Variants in COG5 observed in about 807,000 individuals in gnomAD.
The protein encoded by COG5 is conserved oligomeric Golgi complex subunit 5.
COG5 carries 86 observed loss-of-function variants against 110.4 expected under a neutral mutation model. The ratio of observed to expected loss-of-function variants is 0.78; its 90% confidence interval spans 0.65 to 0.93. The LOEUF (loss-of-function observed/expected upper bound fraction) is 0.93, where lower values mean the gene tolerates loss of function less well. Among genes scored for constraint, COG5 ranks in the 40% least tolerant of loss-of-function variants. The pLI, the probability that COG5 is intolerant of heterozygous loss-of-function variation, is 0.00. For synonymous variants in COG5, 360 were observed against 334.6 expected, an observed-to-expected ratio of 1.08 and a Z score of -0.83; for missense variants, 1,077 against 987.0, an observed-to-expected ratio of 1.09 and a Z score of -1.22.
chr7:107,369,149 T>G (rs1813889416), intron 8 of COG5, among the ~76,000 whole-genome samples: 1 of 152,174 alleles, frequency 6.6e-6, no homozygotes, highest in South Asian at 2.1e-4. Flanking sequence ...ATTTACACTG[T>G]TAGTACATAT....
intron 14 of COG5, among the ~76,000 whole-genome samples, chr7:107,264,547 C>G (rs1398866543): frequency 6.6e-6 from 1 of 151,826 alleles, no homozygotes; most frequent in Non-Finnish European, 1.5e-5. Flanking sequence ...CAAAAATTAG[C>G]CAGGTGTGGT....
chr7:107,275,626 G>C (rs937519126), intron 14 of COG5, among the ~76,000 whole-genome samples: 3 of 151,992 alleles, frequency 2.0e-5, no homozygotes, highest in African/African-American at 4.8e-5. Flanking sequence ...TGCAAGCTAA[G>C]CTCACTGCAA....
intron 11 of COG5, among the ~76,000 whole-genome samples, chr7:107,315,982 C>A (rs531012944): frequency 2.0e-5 from 3 of 152,132 alleles, no homozygotes; most frequent in Non-Finnish European, 4.4e-5. Context: ...AAGATAAGAA[C>A]TGAAAACATA....
chr7:107,536,432 C>T (rs997492728), intron 5 of COG5, among the ~76,000 whole-genome samples: 1 of 152,144 alleles, frequency 6.6e-6, no homozygotes, highest in African/African-American at 2.4e-5. Flanking sequence ...TCTCAGGATA[C>T]AAAATCAATG....
chr7:107,505,590 G>C (rs1390074277), intron 6 of COG5, among the ~76,000 whole-genome samples: 3 of 152,212 alleles, frequency 2.0e-5, no homozygotes, highest in Non-Finnish European at 4.4e-5. Flanking sequence ...AGGGGGAAAA[G>C]AAGTCATCTT....
intron 7 of COG5, among the ~76,000 whole-genome samples, chr7:107,405,006 A>G (rs1193017921): frequency 6.6e-6 from 1 of 152,118 alleles, no homozygotes; most frequent in African/African-American, 2.4e-5. Context: ...ATGCTATAAA[A>G]ATTCCCTTTT....
At position 107,386,004 on chromosome 7, in the gene COG5, G is replaced by A. The variant is rs1376536799; in HGVS notation, c.670-13244C>T. Among the ~76,000 whole-genome samples, 4 of 151,584 alleles carry A rather than the reference G, an allele frequency of 2.6e-5. No individual in the cohort carries two copies. In the East Asian group the frequency reaches 5.8e-4, roughly 22 times the overall value. ...AACCAGGTTTTGTGTGTGTGTGTGT[G>A]TGTGTGTGTGTGTGTGTGTGGTTGA... On this transcript the variant is annotated intron_variant, in intron 7 of 21. Transcript: ENST00000297135.
chr7:107,353,243 G>A (rs1001684832), intron 10 of COG5, among the ~76,000 whole-genome samples: 1 of 151,928 alleles, frequency 6.6e-6, no homozygotes, highest in African/African-American at 2.4e-5. Context: ...GGCTAACACG[G>A]TGAAACCCCA....
chr7:107,513,913 G>C (rs916051775), intron 6 of COG5, among the ~76,000 whole-genome samples: 5 of 152,092 alleles, frequency 3.3e-5, no homozygotes, highest in Middle Eastern at 3.4e-3. Context: ...TGGGGGAAGA[G>C]GGGAGGGAAA....
At chr7:107,405,250 T>C (rs903004063) in intron 7 of COG5, among the ~76,000 whole-genome samples, 2 of 152,138 alleles carry the variant, frequency 1.3e-5, no homozygotes, top group Non-Finnish European at 2.9e-5. Flanking sequence ...GTTACTGCAA[T>C]TGAGATAACA....
chr7:107,220,818 T>C (rs948652096), intron 19 of COG5, among the ~76,000 whole-genome samples: 4 of 146,662 alleles, frequency 2.7e-5, no homozygotes, highest in Non-Finnish European at 6.0e-5. Context: ...ATGCCTTCTT[T>C]TTTTTTTTTT....
At chr7:107,258,427 C>CTT (rs1554402249) in intron 14 of COG5, 44 bp from the exon 15 acceptor site, 8 of 332,150 alleles carry the variant, frequency 2.4e-5, no homozygotes, top group African/African-American at 1.6e-4. Context: ...AATGATAATT[C>CTT]TCTCTCTCTC....
chr7:107,416,758 T>C (rs1792877784), intron 6 of COG5, among the ~76,000 whole-genome samples: 1 of 152,136 alleles, frequency 6.6e-6, no homozygotes, highest in African/African-American at 2.4e-5. Context: ...TTAAAATGTA[T>C]AATGTCTGTA....
chr7:107,525,567 T>A (rs1213269122), intron 6 of COG5, among the ~76,000 whole-genome samples: 1 of 151,456 alleles, frequency 6.6e-6, no homozygotes, highest in East Asian at 1.9e-4. Context: ...TTTTTTTTTT[T>A]AAAGAGTCAA....
At chr7:107,296,425 T>C (rs1331880642) in intron 12 of COG5, among the ~76,000 whole-genome samples, 1 of 152,056 alleles carries the variant, frequency 6.6e-6, no homozygotes, top group East Asian at 1.9e-4. Context: ...TCATTAAATC[T>C]TTGCAGATCA....
chr7:107,387,005 T>A (rs1047712981), intron 7 of COG5, among the ~76,000 whole-genome samples: 1 of 151,776 alleles, frequency 6.6e-6, no homozygotes, highest in Non-Finnish European at 1.5e-5. Flanking sequence ...CTCCAATAAA[T>A]AGGTAAAAAG....
rs1798518345 is a variant in COG5, at chr7:107,203,558, T to TA, written c.2447dup (p.Met817AsnfsTer17). The TA allele has an allele frequency of 6.2e-7, 1 of 1,614,052 alleles. No homozygotes were observed. Among genetic ancestry groups the TA allele is most frequent in the Non-Finnish European group, 8.5e-7 (1 of 1,179,906 alleles). ...TAGCCTTTTGAAGCAGCTGAACCAT[T>TA]ATGGGATAAACTGGTGCAAATTCTT... is the stretch of plus-strand genomic sequence containing the variant. On this transcript the variant is annotated frameshift_variant, in exon 22 of 22. Transcript: ENST00000297135. LOFTEE classifies it high-confidence loss of function.
chr7:107,445,094 G>A (rs994045351), intron 6 of COG5, among the ~76,000 whole-genome samples: 1 of 151,846 alleles, frequency 6.6e-6, no homozygotes, highest in Non-Finnish European at 1.5e-5. Flanking sequence ...AGTATCTCAG[G>A]AGCTTCCAGG....
chr7:107,429,185 T>C (rs1425001375), intron 6 of COG5, among the ~76,000 whole-genome samples: 1 of 152,212 alleles, frequency 6.6e-6, no homozygotes, highest in Non-Finnish European at 1.5e-5. Flanking sequence ...AGGGAATCTT[T>C]AGGGAACAAC....
Sources: gnomAD v4.1 joint callset for allele counts (sites outside exome capture counted in the v4.1 genomes callset) on GRCh38, gnomAD v4.1.1 for gene constraint, MANE v1.5 for transcripts, NCBI Gene and HGNC (gene_info 2026-07-23, HGNC 2026-07-21) for gene names.